BLTP3B: variants seen among roughly 807,000 people sequenced by gnomAD.
BLTP3B encodes UHRF1 (ICBP90) binding protein 1-like.
the BLTP3B span, among the ~76,000 whole-genome samples, chr12:100,097,987 C>A: frequency 2.0e-5 from 3 of 152,068 alleles, no homozygotes; most frequent in Non-Finnish European, 4.4e-5. Flanking sequence ...GAGGACAAGG[C>A]AGGTGGATAG....
At chr12:100,068,525 C>A in the BLTP3B span, among the ~76,000 whole-genome samples, 1 of 152,080 alleles carries the variant, frequency 6.6e-6, no homozygotes, top group Non-Finnish European at 1.5e-5. Context: ...CTTTGCACAG[C>A]AAAAGGAACA....
At chr12:100,114,649 A>C in the BLTP3B span, among the ~76,000 whole-genome samples, 1 of 152,238 alleles carries the variant, frequency 6.6e-6, no homozygotes, top group Non-Finnish European at 1.5e-5. Flanking sequence ...CCTTAAAGCC[A>C]CATTTTAAAG....
chr12:100,104,526 C>CTT, the BLTP3B span, among the ~76,000 whole-genome samples: 1 of 146,580 alleles, frequency 6.8e-6, no homozygotes, highest in Non-Finnish European at 1.5e-5. Flanking sequence ...TTTTAAGTAT[C>CTT]TTTTTTTTTT....
At chr12:100,087,554 C>T in the BLTP3B span, among the ~76,000 whole-genome samples, 1 of 152,032 alleles carries the variant, frequency 6.6e-6, no homozygotes, top group Admixed American at 6.6e-5. Context: ...TGAGGCAGCA[C>T]TAATAAAAAT....
At chr12:100,105,088 A>G in the BLTP3B span, among the ~76,000 whole-genome samples, 1,160 of 152,236 alleles carry the variant, frequency 7.6e-3, 13 homozygotes, top group South Asian at 0.026. Context: ...AATTCAACAC[A>G]ATTCTTCTCA....
chr12:100,043,048 C>T, the BLTP3B span, among the ~76,000 whole-genome samples: 1 of 152,210 alleles, frequency 6.6e-6, no homozygotes, highest in African/African-American at 2.4e-5. Context: ...ATCCATCTGC[C>T]TCAGCCTCCC....
chr12:100,115,508 C>A, the BLTP3B span, among the ~76,000 whole-genome samples: 1 of 152,198 alleles, frequency 6.6e-6, no homozygotes, highest in African/African-American at 2.4e-5. Flanking sequence ...GTGGCTCACA[C>A]TTGGAATCCC....
the BLTP3B span, chr12:100,059,844 T>C: frequency 1.9e-6 from 3 of 1,604,414 alleles, no homozygotes; most frequent in Non-Finnish European, 2.5e-6. Context: ...CTTGTTTGTA[T>C]GATACCTTTA....
the BLTP3B span, among the ~76,000 whole-genome samples, chr12:100,079,673 C>T: frequency 3.3e-5 from 5 of 152,218 alleles, no homozygotes; most frequent in East Asian, 5.8e-4. Flanking sequence ...CAGAAATTTG[C>T]GTAAGTAAAG....
chr12:100,063,211 T>C, the BLTP3B span, among the ~76,000 whole-genome samples: 1 of 152,048 alleles, frequency 6.6e-6, no homozygotes, highest in African/African-American at 2.4e-5. Context: ...AAGAAGCAGA[T>C]TGCTCCTGCA....
the BLTP3B span, among the ~76,000 whole-genome samples, chr12:100,092,504 A>C: frequency 6.6e-6 from 1 of 152,206 alleles, no homozygotes; most frequent in Non-Finnish European, 1.5e-5. Flanking sequence ...AAAATACCTC[A>C]AAATACTAAC....
the BLTP3B span, chr12:100,097,386 G>A: frequency 1.2e-6 from 2 of 1,611,872 alleles, no homozygotes; most frequent in South Asian, 1.1e-5. Context: ...GTGTGACTCT[G>A]ATTTTTGATT....
the BLTP3B span, among the ~76,000 whole-genome samples, chr12:100,077,200 T>A: frequency 6.6e-6 from 1 of 152,210 alleles, no homozygotes; most frequent in Non-Finnish European, 1.5e-5. Context: ...TACTGTATAT[T>A]TTCTATGTTT....
the BLTP3B span, among the ~76,000 whole-genome samples, chr12:100,097,058 C>T: frequency 6.6e-6 from 1 of 151,638 alleles, no homozygotes; most frequent in African/African-American, 2.4e-5. Flanking sequence ...CAAGCCTGGG[C>T]AATATAGTGA....
the BLTP3B span, among the ~76,000 whole-genome samples, chr12:100,135,203 T>C: frequency 6.6e-6 from 1 of 152,276 alleles, no homozygotes; most frequent in South Asian, 2.1e-4. Context: ...AAGTTCCCAG[T>C]TCTGGACCCT....
the BLTP3B span, among the ~76,000 whole-genome samples, chr12:100,077,994 T>C: frequency 6.6e-6 from 1 of 152,288 alleles, no homozygotes; most frequent in South Asian, 2.1e-4. Flanking sequence ...GAAATTGGTC[T>C]CCCTCTGACC....
the BLTP3B span, among the ~76,000 whole-genome samples, chr12:100,053,025 CT>C: frequency 6.6e-6 from 1 of 151,608 alleles, no homozygotes; most frequent in Non-Finnish European, 1.5e-5. Context: ...CATCTCCTGA[CT>C]TCGCGATCCA....
chr12:100,080,795 T>A, the BLTP3B span, among the ~76,000 whole-genome samples: 1 of 134,192 alleles, frequency 7.5e-6, no homozygotes, highest in East Asian at 1.9e-4. Flanking sequence ...GGTTTAGAAA[T>A]CTGAGGACAT....
At chr12:100,042,624 A>G in the BLTP3B span, among the ~76,000 whole-genome samples, 1 of 152,198 alleles carries the variant, frequency 6.6e-6, no homozygotes, top group Non-Finnish European at 1.5e-5. Context: ...CAGGACATCC[A>G]AAGCACAGGC....
Sources: gnomAD v4.1 joint callset for allele counts (sites outside exome capture counted in the v4.1 genomes callset) on GRCh38, gnomAD v4.1.1 for gene constraint, MANE v1.5 for transcripts, NCBI Gene and HGNC (gene_info 2026-07-23, HGNC 2026-07-21) for gene names.